Variants in TLE1 observed in about 807,000 individuals in gnomAD.
The protein encoded by TLE1 is TLE family member 1, transcriptional corepressor.
Under a neutral mutation model 89.8 loss-of-function variants are expected in TLE1, and 21 were observed. That is an observed-to-expected ratio of 0.23 (90% CI 0.17 to 0.34). The LOEUF (loss-of-function observed/expected upper bound fraction) is 0.34, where lower values mean the gene tolerates loss of function less well. TLE1 is among the 10% of genes least tolerant of loss of function. The pLI, the probability that TLE1 is intolerant of heterozygous loss-of-function variation, is 1.00. For missense variants in TLE1, 795 were observed against 1,031.2 expected, an observed-to-expected ratio of 0.77 and a Z score of 3.14; for synonymous variants, 447 against 407.6, an observed-to-expected ratio of 1.10 and a Z score of -1.16.
intron 1 of TLE1, among the ~76,000 whole-genome samples, chr9:81,687,654 C>T (rs991481723): frequency 2.2e-4 from 33 of 152,250 alleles, no homozygotes; most frequent in African/African-American, 7.0e-4. Flanking sequence ...TTCCCAGTCT[C>T]CAGGGCGGAT....
chr9:81,645,712 C>T (rs958277828), intron 6 of TLE1, among the ~76,000 whole-genome samples: 3 of 152,004 alleles, frequency 2.0e-5, no homozygotes, highest in African/African-American at 7.2e-5. Flanking sequence ...TGCACTCCAG[C>T]CTGGGCAACA....
At chr9:81,639,065 G>C (rs544034260) in intron 6 of TLE1, among the ~76,000 whole-genome samples, 12 of 151,732 alleles carry the variant, frequency 7.9e-5, no homozygotes, top group Non-Finnish European at 1.3e-4. Flanking sequence ...TACTTAGCTG[G>C]GACTACAGGT....
chr9:81,613,351 A>T, intron 12 of TLE1, 26 bp downstream of exon 12: 1 of 1,607,016 alleles, frequency 6.2e-7, no homozygotes, highest in Non-Finnish European at 8.5e-7. Flanking sequence ...AAACCAAACA[A>T]AGCACAACAA....
intron 4 of TLE1, among the ~76,000 whole-genome samples, chr9:81,675,698 G>GTTTTTTGT (rs1832788754): frequency 7.7e-6 from 1 of 129,666 alleles, no homozygotes; most frequent in Non-Finnish European, 1.6e-5. Context: ...ACTCACACTA[G>GTTTTTTGT]TTTTTTTTTG....
intron 11 of TLE1, among the ~76,000 whole-genome samples, chr9:81,615,081 CAAAAAAAAAAAAAAAAAAAAAA>C (rs34947337): frequency 3.2e-3 from 80 of 25,102 alleles, no homozygotes; most frequent in Middle Eastern, 0.056. Context: ...GACTCCATCT[CAAAAAAAAAAAAAAAAAAAAAA>C]AAAAAAAAAA....
At chr9:81,651,770 G>A (rs1005062175) in intron 6 of TLE1, among the ~76,000 whole-genome samples, 1 of 152,066 alleles carries the variant, frequency 6.6e-6, no homozygotes, top group Non-Finnish European at 1.5e-5. Flanking sequence ...CTAGACTAAT[G>A]AAGCAAGGGT....
intron 8 of TLE1, among the ~76,000 whole-genome samples, chr9:81,622,239 C>A (rs1220719634): frequency 6.6e-6 from 1 of 152,202 alleles, no homozygotes; most frequent in East Asian, 1.9e-4. Context: ...CTCCTCCAGA[C>A]TCTGTGCAGC....
intron 4 of TLE1, among the ~76,000 whole-genome samples, chr9:81,671,715 C>T (rs371308735): frequency 2.6e-5 from 4 of 152,064 alleles, no homozygotes; most frequent in Admixed American, 6.6e-5. Context: ...CCTTATACTT[C>T]CTCCTTATAC....
intron 14 of TLE1, among the ~76,000 whole-genome samples, chr9:81,601,079 G>T (rs1292741437): frequency 6.6e-6 from 1 of 152,148 alleles, no homozygotes; most frequent in Non-Finnish European, 1.5e-5. Context: ...ATAGTTTATT[G>T]GTTCTGTTTC....
At chr9:81,687,854 C>A (rs1009201796) in intron 1 of TLE1, among the ~76,000 whole-genome samples, 2 of 152,032 alleles carry the variant, frequency 1.3e-5, no homozygotes, top group African/African-American at 4.8e-5. Flanking sequence ...CCTCCAGACG[C>A]ACCGGAACCG....
intron 14 of TLE1, among the ~76,000 whole-genome samples, chr9:81,601,749 T>C (rs193188345): frequency 3.2e-4 from 48 of 152,294 alleles, no homozygotes; most frequent in African/African-American, 1.1e-3. Flanking sequence ...CTTGAGGGTA[T>C]GAAAACAAGC....
intron 9 of TLE1, among the ~76,000 whole-genome samples, chr9:81,619,512 T>C (rs940578803): frequency 6.6e-6 from 1 of 152,228 alleles, no homozygotes; most frequent in African/African-American, 2.4e-5. Flanking sequence ...TCATCAGCTA[T>C]AGGCTTGGGC....
Position 81,610,272 on chromosome 9 carries a change from T to A in TLE1, c.1279A>T (p.Met427Leu), listed in dbSNP as rs780524615. The A allele has an allele frequency of 1.2e-6, 2 of 1,613,896 alleles. No individual in the cohort carries two copies. Among genetic ancestry groups the A allele is most frequent in the Non-Finnish European group, 1.7e-6 (2 of 1,180,026 alleles). The change falls in exon 14 of 20, where the codon ATG becomes TTG. Residue 427 changes from methionine (M) to leucine (L), a missense_variant. Met to Leu is a conservative substitution (Grantham distance 15, BLOSUM62 2). Coordinates refer to ENST00000376499, the MANE Select transcript of TLE1 (RefSeq NM_005077.5). Reference protein sequence around the residue: ...PMVGFDPPPHMRVPTIPPNLA... With the variant: ...PMVGFDPPPHLRVPTIPPNLA... ...TTTGGAGGAATGGTAGGTACTCTCA[T>A]GTGAGGGGGAGGATCAAACCCCACC...
chr9:81,602,646 C>T (rs1304389528), intron 14 of TLE1, among the ~76,000 whole-genome samples: 2 of 152,012 alleles, frequency 1.3e-5, no homozygotes, highest in East Asian at 3.9e-4. Context: ...TTTGAATTTT[C>T]GAATTAAGAT....
intron 8 of TLE1, among the ~76,000 whole-genome samples, chr9:81,622,854 G>C (rs1014051017): frequency 6.6e-6 from 1 of 152,124 alleles, no homozygotes; most frequent in African/African-American, 2.4e-5. Context: ...GAAAGGCCCA[G>C]AAACACCACA....
intron 6 of TLE1, among the ~76,000 whole-genome samples, chr9:81,649,659 C>A (rs560709218): frequency 6.6e-6 from 1 of 152,246 alleles, no homozygotes; most frequent in South Asian, 2.1e-4. Context: ...TACCCTAAGT[C>A]GGCCCCTGAA....
chr9:81,636,151 C>T (rs946016381), intron 6 of TLE1, among the ~76,000 whole-genome samples: 3 of 152,098 alleles, frequency 2.0e-5, no homozygotes, highest in African/African-American at 7.2e-5. Context: ...AAAGTATAAA[C>T]TACTCATTCA....
chr9:81,620,593 C>G (rs765348578), intron 8 of TLE1, 36 bp from the exon 9 acceptor site: 1 of 1,599,232 alleles, frequency 6.3e-7, no homozygotes, highest in African/African-American at 1.3e-5. Flanking sequence ...GATTTCTTCC[C>G]AAGCCTCTTT....
In TLE1 at chr9:81,592,962, G is replaced by A. The variant is rs1829750514; in HGVS notation, c.1581+63C>T. 2.5e-6 allele frequency: 4 copies of A among 1,570,268 alleles called. No individual in the cohort carries two copies. The South Asian group carries it at 3.5e-5, about 14-fold the overall frequency. ...TGGGAATAAAACCCAGGCCCACACA[G>A]CTATTTCCTTATTGAATCTCCAGGG... On this transcript the variant is annotated intron_variant, in intron 15 of 19. Coordinates refer to ENST00000376499, the MANE Select transcript of TLE1 (RefSeq NM_005077.5).
Sources: gnomAD v4.1 joint callset for allele counts (sites outside exome capture counted in the v4.1 genomes callset) on GRCh38, gnomAD v4.1.1 for gene constraint, MANE v1.5 for transcripts, NCBI Gene and HGNC (gene_info 2026-07-23, HGNC 2026-07-21) for gene names.